Variants in TLN2 observed in about 807,000 individuals in gnomAD.
TLN2 encodes the protein talin-2.
Under a neutral mutation model 294.7 loss-of-function variants are expected in TLN2, and 118 were observed. That is an observed-to-expected ratio of 0.40 (90% confidence interval 0.34 to 0.47). The LOEUF (loss-of-function observed/expected upper bound fraction) is 0.47, where lower values mean the gene tolerates loss of function less well. Ranked by LOEUF, TLN2 falls within the 20% of genes least tolerant of loss-of-function variation. The probability of loss-of-function intolerance (pLI) is 0.84; values close to 1 mark genes in which losing one functional copy is unlikely to be tolerated. For synonymous variants in TLN2, 1,431 were observed against 1,304.5 expected (o/e 1.10, Z -2.09); for missense variants, 3,083 against 3,282.2 (o/e 0.94, Z 1.48).
chr15:62,538,181 A>T (rs533483857), intron 1 of TLN2, among the ~76,000 whole-genome samples: 1 of 152,200 alleles, frequency 6.6e-6, no homozygotes, highest in South Asian at 2.1e-4. Flanking sequence ...AGATTGCGCC[A>T]CTGCACTCCA....
intron 3 of TLN2, among the ~76,000 whole-genome samples, chr15:62,622,711 C>T (rs547198581): frequency 1.8e-4 from 27 of 151,958 alleles, no homozygotes; most frequent in African/African-American, 6.3e-4. Context: ...TTGCCTTATT[C>T]TTATTATTTA....
intron 1 of TLN2, among the ~76,000 whole-genome samples, chr15:62,501,338 C>G (rs138932628): frequency 6.6e-6 from 1 of 152,308 alleles, no homozygotes; most frequent in East Asian, 1.9e-4. Flanking sequence ...CTGAATTTCT[C>G]AAGCCTCCAG....
intron 45 of TLN2, among the ~76,000 whole-genome samples, chr15:62,791,669 G>A (rs551933908): frequency 2.0e-5 from 3 of 152,236 alleles, no homozygotes; most frequent in East Asian, 3.9e-4. Context: ...CCTGATAGAC[G>A]CTGGAAAAAT....
chr15:62,494,134 C>G (rs2038897070), intron 1 of TLN2, among the ~76,000 whole-genome samples: 1 of 152,114 alleles, frequency 6.6e-6, no homozygotes, highest in Non-Finnish European at 1.5e-5. Context: ...CTTTTCATGT[C>G]TTCAATTATC....
intron 1 of TLN2, among the ~76,000 whole-genome samples, chr15:62,457,219 A>G (rs1290752857): frequency 6.6e-6 from 1 of 152,208 alleles, no homozygotes; most frequent in Non-Finnish European, 1.5e-5. Context: ...GTTTACAGGC[A>G]GCTGCCTTCT....
At chr15:62,479,743 C>T (rs2037981286) in intron 1 of TLN2, among the ~76,000 whole-genome samples, 1 of 152,216 alleles carries the variant, frequency 6.6e-6, no homozygotes, top group Non-Finnish European at 1.5e-5. Context: ...GCCTCAGCCT[C>T]CCAAAGTGCT....
chr15:62,757,628 G>A (rs1322594547), intron 37 of TLN2, among the ~76,000 whole-genome samples: 3 of 152,128 alleles, frequency 2.0e-5, no homozygotes, highest in Non-Finnish European at 4.4e-5. Flanking sequence ...TCCTCACAGT[G>A]TCAAACCCTC....
intron 11 of TLN2, among the ~76,000 whole-genome samples, chr15:62,684,585 T>G (rs1005711176): frequency 2.0e-5 from 3 of 152,088 alleles, no homozygotes; most frequent in Non-Finnish European, 4.4e-5. Flanking sequence ...GCTGGGGGTG[T>G]GCGGTGACTG....
At chr15:62,464,113 C>T (rs1399831720) in intron 1 of TLN2, among the ~76,000 whole-genome samples, 2 of 152,192 alleles carry the variant, frequency 1.3e-5, no homozygotes, top group African/African-American at 4.8e-5. Context: ...ACTATGAAGA[C>T]ACACACAAAC....
At chr15:62,550,167 G>C (rs1036674120) in intron 1 of TLN2, among the ~76,000 whole-genome samples, 6 of 152,162 alleles carry the variant, frequency 3.9e-5, no homozygotes, top group African/African-American at 1.4e-4. Flanking sequence ...TTCCAGGTCT[G>C]AGTGGTCAGC....
chr15:62,770,644 G>A (rs1031060916), intron 41 of TLN2, among the ~76,000 whole-genome samples: 16 of 152,044 alleles, frequency 1.1e-4, no homozygotes, highest in African/African-American at 3.6e-4. Flanking sequence ...GATGTCTTTA[G>A]TTCTTTTAAA....
At chr15:62,553,002 G>A (rs1276977082) in intron 1 of TLN2, among the ~76,000 whole-genome samples, 2 of 152,156 alleles carry the variant, frequency 1.3e-5, no homozygotes, top group Non-Finnish European at 2.9e-5. Flanking sequence ...CGTGATATGT[G>A]ATTAAACAAG....
At chr15:62,708,456 C>G (rs747560848) in intron 20 of TLN2, 46 bp from the exon 21 acceptor site, 1 of 1,590,368 alleles carries the variant, frequency 6.3e-7, no homozygotes, top group Admixed American at 1.7e-5. Flanking sequence ...GGAGAGGGAC[C>G]AGGATTCAAC....
intron 1 of TLN2, among the ~76,000 whole-genome samples, chr15:62,567,086 T>C (rs1430045589): frequency 6.6e-6 from 1 of 152,238 alleles, no homozygotes; most frequent in South Asian, 2.1e-4. Context: ...TCTGTTTTTT[T>C]CCCACTTATT....
chr15:62,544,450 C>T (rs1596073248), intron 1 of TLN2, among the ~76,000 whole-genome samples: 1 of 152,306 alleles, frequency 6.6e-6, no homozygotes, highest in Non-Finnish European at 1.5e-5. Flanking sequence ...GTGGGTTGCT[C>T]ATGGATTCCT....
intron 1 of TLN2, among the ~76,000 whole-genome samples, chr15:62,581,690 A>G (rs949376667): frequency 6.6e-6 from 1 of 152,184 alleles, no homozygotes; most frequent in African/African-American, 2.4e-5. Flanking sequence ...GTATTTCCCT[A>G]GTTGACAACA....
At chr15:62,701,400 A>G (rs572632052) in intron 17 of TLN2, among the ~76,000 whole-genome samples, 186 bp downstream of exon 17, 2 of 152,162 alleles carry the variant, frequency 1.3e-5, no homozygotes, top group Non-Finnish European at 2.9e-5. Context: ...GGGAAGGAAC[A>G]TCTCATTGCT....
intron 1 of TLN2, among the ~76,000 whole-genome samples, chr15:62,403,898 T>A (rs1177781078): frequency 1.3e-5 from 2 of 152,234 alleles, no homozygotes; most frequent in Non-Finnish European, 2.9e-5. Flanking sequence ...CATACAGGAC[T>A]CACTTATTGT....
intron 3 of TLN2, among the ~76,000 whole-genome samples, chr15:62,633,537 T>G (rs1417670874): frequency 2.0e-5 from 3 of 152,204 alleles, no homozygotes; most frequent in African/African-American, 7.2e-5. Context: ...ACTCCTGGAC[T>G]CAAGCAATCC....
Sources: allele counts gnomAD v4.1 joint callset (sites outside exome capture counted in the v4.1 genomes callset), GRCh38; gene constraint gnomAD v4.1.1; transcripts MANE v1.5; gene names NCBI Gene and HGNC (gene_info 2026-07-23, HGNC 2026-07-21).